Variants in ADGRL3 observed in about 807,000 individuals in gnomAD.
ADGRL3 encodes the protein calcium-independent alpha-latrotoxin receptor 3.
ADGRL3 carries 62 observed loss-of-function variants against 153.5 expected under a neutral mutation model. The ratio of observed to expected loss-of-function variants is 0.40; its 90% CI spans 0.33 to 0.50. The LOEUF (loss-of-function observed/expected upper bound fraction) is 0.50. Ranked by LOEUF, ADGRL3 falls within the 20% of genes least tolerant of loss-of-function variation. The pLI, the probability that ADGRL3 is intolerant of heterozygous loss-of-function variation, is 0.47. For synonymous variants in ADGRL3, 710 were observed against 672.5 expected, an observed-to-expected ratio of 1.06 and a Z score of -0.86; for missense variants, 1,641 against 1,859.4, an observed-to-expected ratio of 0.88 and a Z score of 2.16.
intron 4 of ADGRL3, among the ~76,000 whole-genome samples, chr4:61,541,164 C>G (rs962197385): frequency 2.1e-4 from 32 of 152,036 alleles, no homozygotes; most frequent in African/African-American, 7.5e-4. Context: ...AGAAGGAGTT[C>G]GTGGCCCCAG....
intron 2 of ADGRL3, among the ~76,000 whole-genome samples, chr4:61,439,308 GAC>G (rs2097499074): frequency 6.6e-6 from 1 of 152,092 alleles, no homozygotes; most frequent in Non-Finnish European, 1.5e-5. Flanking sequence ...GGGCTTGAAA[GAC>G]AATATTTGAG....
At chr4:61,407,082 C>T (rs907068682) in intron 2 of ADGRL3, among the ~76,000 whole-genome samples, 2 of 152,010 alleles carry the variant, frequency 1.3e-5, no homozygotes, top group South Asian at 2.1e-4. Context: ...ACAAATAATT[C>T]AGCAGGATGT....
intron 17 of ADGRL3, among the ~76,000 whole-genome samples, chr4:61,961,603 G>A (rs1472064408): frequency 2.0e-5 from 3 of 152,064 alleles, no homozygotes; most frequent in Non-Finnish European, 4.4e-5. Flanking sequence ...AATCATCGGA[G>A]GAAGAAGAGT....
chr4:61,825,228 C>G (rs1439938344), intron 9 of ADGRL3, among the ~76,000 whole-genome samples: 7 of 152,264 alleles, frequency 4.6e-5, no homozygotes, highest in Non-Finnish European at 1.0e-4. Flanking sequence ...ATCCTGATAT[C>G]CCACTTTGCT....
At chr4:61,675,494 G>GT (rs2095155857) in intron 5 of ADGRL3, among the ~76,000 whole-genome samples, 1 of 151,728 alleles carries the variant, frequency 6.6e-6, no homozygotes, top group Admixed American at 6.6e-5. Flanking sequence ...TTAGTCCACT[G>GT]TGAGTATGGG....
intron 2 of ADGRL3, among the ~76,000 whole-genome samples, chr4:61,482,395 A>G (rs543928745): frequency 3.3e-5 from 5 of 152,302 alleles, no homozygotes; most frequent in African/African-American, 9.6e-5. Flanking sequence ...TGGATTTTCC[A>G]TCACAGTCAA....
chr4:61,997,438 G>A (rs2099125544), intron 20 of ADGRL3, among the ~76,000 whole-genome samples: 1 of 151,826 alleles, frequency 6.6e-6, no homozygotes, highest in South Asian at 2.1e-4. Context: ...ATAAAGTATT[G>A]CGAACATGTA....
chr4:61,248,460 A>G (rs1040002420), intron 1 of ADGRL3, among the ~76,000 whole-genome samples: 7 of 152,108 alleles, frequency 4.6e-5, no homozygotes, highest in African/African-American at 9.7e-5. Flanking sequence ...TTTCACTGCT[A>G]TTTTATAATC....
chr4:61,602,104 A>G (rs1480337309), intron 5 of ADGRL3, among the ~76,000 whole-genome samples: 5 of 103,842 alleles, frequency 4.8e-5, no homozygotes, highest in Non-Finnish European at 7.3e-5. Flanking sequence ...CCATGCTAAA[A>G]TGACCTCCCT....
chr4:61,845,073 TTATGTGGC>T (rs958685947), intron 9 of ADGRL3, among the ~76,000 whole-genome samples: 1 of 152,202 alleles, frequency 6.6e-6, no homozygotes, highest in Non-Finnish European at 1.5e-5. Flanking sequence ...TTTTAGAATC[TTATGTGGC>T]TAGGTGTAGT....
At chr4:61,885,254 G>A (rs1461001650) in intron 9 of ADGRL3, among the ~76,000 whole-genome samples, 1 of 152,072 alleles carries the variant, frequency 6.6e-6, no homozygotes, top group Non-Finnish European at 1.5e-5. Context: ...CTTGAACCCA[G>A]GAGGCGGAGG....
At chr4:61,764,047 T>C (rs1374290040) in intron 8 of ADGRL3, among the ~76,000 whole-genome samples, 1 of 152,194 alleles carries the variant, frequency 6.6e-6, no homozygotes, top group Non-Finnish European at 1.5e-5. Flanking sequence ...ACATGAAAAC[T>C]TTTCACATTC....
At chr4:61,340,358 A>G (rs2095782675) in intron 1 of ADGRL3, among the ~76,000 whole-genome samples, 1 of 151,730 alleles carries the variant, frequency 6.6e-6, no homozygotes, top group Non-Finnish European at 1.5e-5. Context: ...TTTCTCTATT[A>G]TAGCAATTCA....
intron 1 of ADGRL3, among the ~76,000 whole-genome samples, chr4:61,224,135 C>A (rs1746862654): frequency 6.6e-6 from 1 of 151,950 alleles, no homozygotes; most frequent in South Asian, 2.1e-4. Flanking sequence ...GCCGCAAAAT[C>A]AGATTTGATG....
chr4:61,834,770 C>T (rs2097914031), intron 9 of ADGRL3, among the ~76,000 whole-genome samples: 1 of 152,060 alleles, frequency 6.6e-6, no homozygotes, highest in Admixed American at 6.6e-5. Flanking sequence ...GTACTTACAT[C>T]CATAATTTTA....
chr4:62,031,372 G>T (rs763748418), intron 22 of ADGRL3, 70 bp from the exon 23 acceptor site: 27 of 1,279,340 alleles, frequency 2.1e-5, no homozygotes, highest in African/African-American at 3.0e-5. Context: ...GTGTCGTATT[G>T]TTGATCTGAT....
At chr4:61,822,777 G>A (rs190624814) in intron 9 of ADGRL3, among the ~76,000 whole-genome samples, 1 of 152,116 alleles carries the variant, frequency 6.6e-6, no homozygotes, top group East Asian at 1.9e-4. Flanking sequence ...CTCTAAAGGA[G>A]CCAATTGAGA....
intron 1 of ADGRL3, among the ~76,000 whole-genome samples, chr4:61,225,921 T>C (rs976095693): frequency 9.2e-5 from 14 of 152,212 alleles, no homozygotes; most frequent in African/African-American, 3.4e-4. Context: ...TTGTCTTCTT[T>C]AATATCTTTT....
At chr4:61,934,777 TG>T in intron 13 of ADGRL3, 62 bp from the exon 14 acceptor site, 7 of 1,342,630 alleles carry the variant, frequency 5.2e-6, no homozygotes, top group Non-Finnish European at 7.4e-6. Flanking sequence ...CATGTACACC[TG>T]GATTTCTGAC....
Sources: gnomAD v4.1 joint callset for allele counts (sites outside exome capture counted in the v4.1 genomes callset) on GRCh38, gnomAD v4.1.1 for gene constraint, MANE v1.5 for transcripts, NCBI Gene and HGNC (gene_info 2026-07-23, HGNC 2026-07-21) for gene names.